The following ZBTB20 variants were observed in gnomAD, a reference collection of about 807,000 sequenced individuals.
The protein encoded by ZBTB20 is zinc finger and BTB domain containing 20.
Under a neutral mutation model 56.9 loss-of-function variants are expected in ZBTB20, and 9 were observed. That is an observed-to-expected ratio of 0.16 (90% confidence interval 0.10 to 0.28). The LOEUF (loss-of-function observed/expected upper bound fraction) is 0.28, where lower values mean the gene tolerates loss of function less well. ZBTB20 is among the 10% of genes least tolerant of loss of function. The pLI is 1.00. For missense variants in ZBTB20, 655 were observed against 1,003.0 expected (o/e 0.65, Z 4.69); for synonymous variants, 417 against 420.7 (o/e 0.99, Z 0.11).
chr3:114,584,563 A>C (rs1177711489), intron 6 of ZBTB20, among the ~76,000 whole-genome samples: 1 of 151,372 alleles, frequency 6.6e-6, no homozygotes, highest in African/African-American at 2.4e-5. Flanking sequence ...CACCCTTCCC[A>C]CCTGTCCTCT....
chr3:114,664,604 A>AAC (rs377253945), intron 6 of ZBTB20, among the ~76,000 whole-genome samples: 27,328 of 149,018 alleles, frequency 0.18, 2,762 homozygotes, highest in Admixed American at 0.33. Context: ...CCACCTCCCC[A>AAC]ACACACACAC....
intron 4 of ZBTB20, among the ~76,000 whole-genome samples, chr3:114,851,502 C>T (rs1457823672): frequency 6.6e-6 from 1 of 151,992 alleles, no homozygotes; most frequent in East Asian, 1.9e-4. Context: ...TCCTCCATTT[C>T]TCTGGTTATT....
intron 6 of ZBTB20, among the ~76,000 whole-genome samples, chr3:114,606,510 G>A (rs537658728): frequency 3.3e-5 from 5 of 152,224 alleles, no homozygotes; most frequent in African/African-American, 9.6e-5. Flanking sequence ...TGATCAAAAG[G>A]TTGCAGGCTG....
intron 6 of ZBTB20, among the ~76,000 whole-genome samples, chr3:114,505,356 T>C (rs575340785): frequency 3.3e-5 from 5 of 152,168 alleles, no homozygotes; most frequent in East Asian, 1.9e-4. Context: ...CACACCAAAA[T>C]TGGTTACTTT....
At chr3:114,986,704 A>C (rs1396912684) in intron 2 of ZBTB20, among the ~76,000 whole-genome samples, 1 of 152,070 alleles carries the variant, frequency 6.6e-6, no homozygotes, top group Non-Finnish European at 1.5e-5. Context: ...GTTGATAGCT[A>C]CTTTCAAAAG....
intron 2 of ZBTB20, among the ~76,000 whole-genome samples, chr3:114,978,726 A>G (rs931828568): frequency 7.3e-5 from 11 of 151,674 alleles, no homozygotes; most frequent in Non-Finnish European, 1.5e-4. Flanking sequence ...GTGACTGTAA[A>G]AAACTTAAAC....
intron 6 of ZBTB20, among the ~76,000 whole-genome samples, chr3:114,682,631 A>C (rs2062051060): frequency 2.0e-5 from 3 of 152,180 alleles, no homozygotes; most frequent in Admixed American, 2.0e-4. Context: ...TGTGATTGTA[A>C]ATGTGGTATC....
chr3:115,013,268 A>G (rs1271325801), intron 2 of ZBTB20, among the ~76,000 whole-genome samples: 1 of 151,764 alleles, frequency 6.6e-6, no homozygotes, highest in East Asian at 1.9e-4. Context: ...TCGCTAAACA[A>G]AAAGTTGTTT....
intron 3 of ZBTB20, among the ~76,000 whole-genome samples, chr3:114,942,965 CT>C (rs2076768853): frequency 6.9e-6 from 1 of 145,218 alleles, no homozygotes; most frequent in African/African-American, 2.8e-5. Flanking sequence ...TCTTTTTCCA[CT>C]TTTAACCCCT....
chr3:114,537,734 G>C (rs1577376474), intron 6 of ZBTB20, among the ~76,000 whole-genome samples: 1 of 152,028 alleles, frequency 6.6e-6, no homozygotes, highest in Admixed American at 6.5e-5. Flanking sequence ...TTGGAACCAA[G>C]CCAAATGCCC....
At chr3:114,773,368 G>A (rs1317849004) in intron 5 of ZBTB20, among the ~76,000 whole-genome samples, 3 of 152,114 alleles carry the variant, frequency 2.0e-5, no homozygotes, top group Non-Finnish European at 4.4e-5. Context: ...CAGTCCAAAG[G>A]CCAACAGACA....
intron 6 of ZBTB20, among the ~76,000 whole-genome samples, chr3:114,689,860 T>C (rs1371487894): frequency 3.3e-5 from 5 of 152,170 alleles, no homozygotes; most frequent in South Asian, 4.1e-4. Flanking sequence ...TAAAATAGTA[T>C]AATGGCTAGT....
At chr3:114,514,661 G>A (rs2045784108) in intron 6 of ZBTB20, among the ~76,000 whole-genome samples, 2 of 152,130 alleles carry the variant, frequency 1.3e-5, no homozygotes, top group South Asian at 4.1e-4. Flanking sequence ...GTTGGGGAGG[G>A]TTGCTGAGAC....
At chr3:114,740,947 G>T (rs541622553) in intron 5 of ZBTB20, among the ~76,000 whole-genome samples, 3 of 152,204 alleles carry the variant, frequency 2.0e-5, no homozygotes, top group Admixed American at 1.3e-4. Context: ...ATAGAAATAC[G>T]AAACTTTAGA....
At chr3:114,655,177 T>G (rs2060328499) in intron 6 of ZBTB20, among the ~76,000 whole-genome samples, 1 of 151,940 alleles carries the variant, frequency 6.6e-6, no homozygotes, top group South Asian at 2.1e-4. Context: ...ACCATTTATT[T>G]CATTATATGC....
chr3:115,076,251 C>T (rs1375144937), intron 1 of ZBTB20, among the ~76,000 whole-genome samples: 1 of 152,014 alleles, frequency 6.6e-6, no homozygotes, highest in African/African-American at 2.4e-5. Flanking sequence ...ATAGCCAAAT[C>T]GATCTTGAGA....
intron 10 of ZBTB20, among the ~76,000 whole-genome samples, chr3:114,354,088 G>T (rs1477546989): frequency 6.6e-6 from 1 of 152,180 alleles, no homozygotes; most frequent in Non-Finnish European, 1.5e-5. Context: ...GTGATTTAGT[G>T]TGGCTTTTAT....
chr3:114,919,392 G>C (rs1469130461), intron 3 of ZBTB20, among the ~76,000 whole-genome samples: 1 of 152,038 alleles, frequency 6.6e-6, no homozygotes, highest in Non-Finnish European at 1.5e-5. Flanking sequence ...AAGACAGCAA[G>C]ATTGGAAGAA....
At chr3:114,784,571 T>G (rs1481068701) in intron 5 of ZBTB20, among the ~76,000 whole-genome samples, 1 of 152,210 alleles carries the variant, frequency 6.6e-6, no homozygotes, top group Non-Finnish European at 1.5e-5. Flanking sequence ...TCTGCTGGAC[T>G]CAGGGAAGGT....
Sources: gnomAD v4.1 joint callset for allele counts (sites outside exome capture counted in the v4.1 genomes callset) on GRCh38, gnomAD v4.1.1 for gene constraint, MANE v1.5 for transcripts, NCBI Gene and HGNC (gene_info 2026-07-23, HGNC 2026-07-21) for gene names.